Variants in NLRC3 observed in about 807,000 individuals in gnomAD.
NLRC3 encodes NLR family CARD domain containing 3.
A neutral mutation model predicts 91.6 loss-of-function variants in NLRC3; 87 were observed. The ratio of observed to expected loss-of-function variants is 0.95; its 90% CI spans 0.80 to 1.14. NLRC3 has a LOEUF of 1.14. NLRC3 is among the 50% of genes most tolerant of loss of function. The pLI, the probability that NLRC3 is intolerant of heterozygous loss-of-function variation, is 0.00. For synonymous variants in NLRC3, 694 were observed against 625.3 expected, an observed-to-expected ratio of 1.11 and a Z score of -1.64; for missense variants, 1,577 against 1,418.6, an observed-to-expected ratio of 1.11 and a Z score of -1.79.
At chr16:3,553,888 T>G (rs1236663642) in intron 9 of NLRC3, among the ~76,000 whole-genome samples, 1 of 151,408 alleles carries the variant, frequency 6.6e-6, no homozygotes, top group Non-Finnish European at 1.5e-5. Flanking sequence ...ACTACAGGCT[T>G]GCACCACCAT....
intron 1 of NLRC3, among the ~76,000 whole-genome samples, chr16:3,570,522 G>A (rs954775278): frequency 1.3e-5 from 2 of 152,276 alleles, no homozygotes; most frequent in African/African-American, 2.4e-5. Flanking sequence ...GTTTCTGCTG[G>A]TGGTTAGTGC....
At position 3,542,751 on chromosome 16, in the gene NLRC3, C is replaced by T; in HGVS notation, c.2964G>A (p.Val988=). Residue 988 remains valine, a synonymous_variant, in exon 18 of 20, where the codon GTG becomes GTA. Transcript: ENST00000359128. The part of the protein sequence containing the change: ...ILDLRGNAIG[V]AGAKALANAL... ...CATTTGCCAGGGCTTTGGCTCCAGC[C>T]ACCCCAATGGCATTTCCTCTTAAGC... The T allele has an allele frequency of 1.9e-6, 3 of 1,609,022 alleles. No homozygotes were observed. Among genetic ancestry groups the T allele is most frequent in the Non-Finnish European group, 2.5e-6 (3 of 1,177,756 alleles).
chr16:3,542,621 A>T (rs1396872146), intron 18 of NLRC3, 71 bp downstream of exon 18: 1 of 859,048 alleles, frequency 1.2e-6, no homozygotes, highest in Non-Finnish European at 1.9e-6. Context: ...GGAGCATTTT[A>T]TTCCATCAGG....
At chr16:3,556,206 C>T (rs1017161087) in intron 8 of NLRC3, among the ~76,000 whole-genome samples, 2 of 149,382 alleles carry the variant, frequency 1.3e-5, no homozygotes, top group African/African-American at 4.9e-5. Context: ...TGGCAGGAGC[C>T]TGTAATCCCA....
intron 6 of NLRC3, 109 bp from the exon 7 acceptor site, chr16:3,557,785 G>A (rs749184037): frequency 5.7e-5 from 41 of 715,240 alleles, no homozygotes; most frequent in Non-Finnish European, 8.3e-5. Context: ...ACATCATCAG[G>A]GTCTGGACAT....
rs2151076656 is a variant in NLRC3 at position 3,539,069 on chromosome 16, C to G, written c.*2756G>C. ...CTCAATTTTTATTGGTAGTAGTTAT[C>G]AAGAACAAAGTCCTCGGACTTCTGA... is the stretch of plus-strand genomic sequence containing the variant. On this transcript the variant is annotated 3_prime_UTR_variant, in exon 20 of 20. Transcript: ENST00000359128. The G allele has an allele frequency of 6.6e-6, 1 of 152,296 alleles. No individual in the cohort carries two copies. The highest frequency in any genetic ancestry group is 2.4e-5 in the African/African-American group (1 of 41,576). 9.4% of individuals were successfully genotyped at this position (152,296 alleles called of 1,614,324 possible). A position where few individuals can be genotyped will look rare whatever the true frequency, so the allele number is the denominator to read the frequency against.
chr16:3,549,846 G>A, intron 11 of NLRC3, 66 bp from the exon 12 acceptor site: 1 of 1,173,798 alleles, frequency 8.5e-7, no homozygotes, highest in Non-Finnish European at 1.2e-6. Flanking sequence ...CCCTGTCCCA[G>A]TCTGGGACAG....
intron 1 of NLRC3, among the ~76,000 whole-genome samples, chr16:3,572,956 G>A (rs188089039): frequency 1.9e-4 from 27 of 145,476 alleles, no homozygotes; most frequent in Admixed American, 4.3e-4. Context: ...AGGTTGCAGT[G>A]AGCCGAGATG....
At chr16:3,567,549 GGATCACCT>G (rs2039930425) in intron 1 of NLRC3, among the ~76,000 whole-genome samples, 1 of 151,910 alleles carries the variant, frequency 6.6e-6, no homozygotes, top group Non-Finnish European at 1.5e-5. Flanking sequence ...TGAGGCAGGC[GGATCACCT>G]GAGGTTAGGA....
intron 12 of NLRC3, among the ~76,000 whole-genome samples, 190 bp downstream of exon 12, chr16:3,549,507 G>C (rs942711085): frequency 6.6e-6 from 1 of 152,140 alleles, no homozygotes; most frequent in African/African-American, 2.4e-5. Flanking sequence ...TCTGGGAAGG[G>C]AGCGGCAGAA....
chr16:3,575,450 C>G (rs1003074982), intron 1 of NLRC3, among the ~76,000 whole-genome samples: 3 of 152,176 alleles, frequency 2.0e-5, no homozygotes, highest in African/African-American at 7.2e-5. Context: ...AGGTGGGACT[C>G]GGGTTGCTTT....
In NLRC3 at chr16:3,563,662, T is replaced by C. The variant is rs1397250293; in HGVS notation, c.1275A>G (p.Val425=). Residue 425 remains valine (V), a synonymous_variant, in exon 5 of 20, where the codon GTA becomes GTG. Coordinates refer to ENST00000359128, the MANE Select transcript of NLRC3 (RefSeq NM_178844.4). ...GGGCGCCCTGCAGCAGAGCGAGGTC[T>C]ACACCAAACGCCTTCATGTCTTGCT... is the stretch of plus-strand genomic sequence containing the variant. ...FYEQDMKAFG[V]DLALLQGAPC... 1 of 1,613,782 alleles carries C rather than the reference T, an allele frequency of 6.2e-7. No homozygotes were observed.
At chr16:3,559,625 AC>A (rs1299213312) in intron 6 of NLRC3, among the ~76,000 whole-genome samples, 1 of 149,302 alleles carries the variant, frequency 6.7e-6, no homozygotes, top group Non-Finnish European at 1.5e-5. Context: ...TCATTCTTTT[AC>A]TTTTCTTTTT....
intron 18 of NLRC3, 71 bp downstream of exon 18, chr16:3,542,621 A>G: frequency 1.2e-6 from 1 of 859,166 alleles, no homozygotes; most frequent in South Asian, 1.5e-5. Flanking sequence ...GGAGCATTTT[A>G]TTCCATCAGG....
At chr16:3,547,250 A>T (rs574304601) in intron 15 of NLRC3, among the ~76,000 whole-genome samples, 1 of 152,324 alleles carries the variant, frequency 6.6e-6, no homozygotes, top group South Asian at 2.1e-4. Flanking sequence ...TACAATGTGG[A>T]TGAACCTTGA....
At chr16:3,575,592 C>T (rs1417557665) in intron 1 of NLRC3, among the ~76,000 whole-genome samples, 2 of 152,202 alleles carry the variant, frequency 1.3e-5, no homozygotes, top group Admixed American at 1.3e-4. Flanking sequence ...AGGTTTCACC[C>T]CTAGAGCTTT....
Position 3,549,163 on chromosome 16 carries a change from T to C in NLRC3, c.2582A>G (p.Asn861Ser). The change falls in exon 13 of 20, where the codon AAC (asparagine) becomes AGC (serine). Residue 861 changes from asparagine to serine, a missense_variant. Physicochemically the swap from Asn to Ser is conservative, Grantham distance 46 (BLOSUM62 1). Transcript: ENST00000359128. ...AQAIAHALCA[N>S]STLKNLDLTA... ...GTACTCCAGGTTCTTCAGGGTGCTG[T>C]TGGCGCAGAGGGCATGAGCGATGGC... The C allele has an allele frequency of 1.3e-6, 2 of 1,583,070 alleles. No individual in the cohort carries two copies. Among genetic ancestry groups the C allele is most frequent in the Non-Finnish European group, 1.7e-6 (2 of 1,164,198 alleles).
intron 1 of NLRC3, among the ~76,000 whole-genome samples, chr16:3,576,227 C>A (rs2040286023): frequency 6.6e-6 from 1 of 152,212 alleles, no homozygotes; most frequent in Admixed American, 6.5e-5. Context: ...GAAGACCCTG[C>A]AGCCAACACC....
intron 6 of NLRC3, among the ~76,000 whole-genome samples, chr16:3,558,157 CAT>C (rs1459583105): frequency 2.6e-5 from 4 of 152,086 alleles, no homozygotes; most frequent in Non-Finnish European, 4.4e-5. Context: ...GCCTGGGAAA[CAT>C]AGGGAGATCT....
Sources: gnomAD v4.1 joint callset for allele counts (sites outside exome capture counted in the v4.1 genomes callset) on GRCh38, gnomAD v4.1.1 for gene constraint, MANE v1.5 for transcripts, NCBI Gene and HGNC (gene_info 2026-07-23, HGNC 2026-07-21) for gene names.